The following NRIP1 variants were observed in gnomAD, a reference collection of about 807,000 sequenced individuals.
NRIP1 encodes the protein nuclear receptor interacting protein 1.
Under a neutral mutation model 75.0 loss-of-function variants are expected in NRIP1, and 28 were observed. The ratio of observed to expected loss-of-function variants is 0.37; its 90% CI spans 0.28 to 0.51. NRIP1 has a LOEUF of 0.51. Among genes scored for constraint, NRIP1 ranks in the 20% least tolerant of loss-of-function variants. The pLI is 0.92. For synonymous variants in NRIP1, 526 were observed against 487.6 expected (o/e 1.08, Z -1.04); for missense variants, 1,435 against 1,343.7 (o/e 1.07, Z -1.06).
In NRIP1 at chr21:14,966,984, G is replaced by A. The variant is rs1181854348; in HGVS notation, c.1209C>T (p.Ser403=). 2 of 1,614,102 alleles carry A rather than the reference G, an allele frequency of 1.2e-6. No individual in the cohort carries two copies. The highest frequency in any genetic ancestry group is 2.7e-5 in the African/African-American group (2 of 75,040). The change falls in exon 4 of 4, where the codon AGC becomes AGT. Residue 403 remains serine (S), a synonymous_variant. Transcript: ENST00000318948. The part of the protein sequence containing the change: ...MNGHSHSERG[S]IFEESSTPTT... ...TAGGTGTACTACTTTCCTCAAAAAT[G>A]CTTCCTCTCTCACTGTGACTGTGTC...
chr21:14,970,500 C>G (rs563767012), intron 3 of NRIP1, among the ~76,000 whole-genome samples: 1 of 152,258 alleles, frequency 6.6e-6, no homozygotes, highest in African/African-American at 2.4e-5. Flanking sequence ...GAGCCGAGAT[C>G]GTGCCACTGC....
At chr21:15,021,616 C>T (rs1000829341) in intron 2 of NRIP1, among the ~76,000 whole-genome samples, 3 of 151,908 alleles carry the variant, frequency 2.0e-5, no homozygotes, top group African/African-American at 7.3e-5. Flanking sequence ...ATATTACATA[C>T]AAAATCATAA....
intron 3 of NRIP1, among the ~76,000 whole-genome samples, chr21:14,999,031 C>T (rs1235128578): frequency 2.0e-5 from 3 of 152,112 alleles, no homozygotes; most frequent in Non-Finnish European, 4.4e-5. Flanking sequence ...GAGAGGCAGG[C>T]TCGTGCTCTG....
chr21:15,062,932 T>G (rs1978445724), intron 1 of NRIP1, among the ~76,000 whole-genome samples: 5 of 152,356 alleles, frequency 3.3e-5, no homozygotes, highest in Admixed American at 1.3e-4. Flanking sequence ...AAAGAGGCAT[T>G]AAACCTGGTT....
At chr21:15,009,405 G>A (rs1600864675) in intron 3 of NRIP1, among the ~76,000 whole-genome samples, 2 of 152,250 alleles carry the variant, frequency 1.3e-5, no homozygotes, top group Admixed American at 1.3e-4. Flanking sequence ...CAATCTCATC[G>A]GGAAAAAACA....
intron 3 of NRIP1, among the ~76,000 whole-genome samples, chr21:15,001,021 AC>A (rs1421273283): frequency 1.3e-5 from 2 of 152,150 alleles, no homozygotes; most frequent in African/African-American, 2.4e-5. Flanking sequence ...GCCAGTCTAG[AC>A]CAATGTCTAT....
Position 14,964,757 on chromosome 21 carries a change from G to T in NRIP1, c.3436C>A (p.Leu1146Ile). The T allele has an allele frequency of 6.3e-7, 1 of 1,577,770 alleles. No homozygotes were observed. Among genetic ancestry groups the T allele is most frequent in the Non-Finnish European group, 8.6e-7 (1 of 1,168,334 alleles). Residue 1146 changes from leucine (L) to isoleucine (I), a missense_variant, in exon 4 of 4, where the codon CTT becomes ATT. Physicochemically the swap from Leu to Ile is conservative, Grantham distance 5. Transcript: ENST00000318948. Reference sequence around the variant, plus strand: ...TTTATCGTTAGCACGCTTCCCAGAAGTCCATAAACTTCTCCATTTGCGCTG... The same window carrying T: ...TTTATCGTTAGCACGCTTCCCAGAATTCCATAAACTTCTCCATTTGCGCTG... ...PHSANGEVYG[L>I]LGSVLTIKKE...
intron 1 of NRIP1, among the ~76,000 whole-genome samples, chr21:15,058,225 C>T (rs958456044): frequency 6.6e-6 from 1 of 152,168 alleles, no homozygotes; most frequent in Admixed American, 6.5e-5. Context: ...AACAGGAATA[C>T]TATTTTTTAA....
chr21:15,025,597 G>C (rs924478599), intron 2 of NRIP1, among the ~76,000 whole-genome samples: 1 of 151,836 alleles, frequency 6.6e-6, no homozygotes, highest in Non-Finnish European at 1.5e-5. Flanking sequence ...GGGAAAATGA[G>C]TAATTTCACA....
chr21:15,008,517 C>G (rs1377379506), intron 3 of NRIP1, among the ~76,000 whole-genome samples: 1 of 152,078 alleles, frequency 6.6e-6, no homozygotes, highest in Non-Finnish European at 1.5e-5. Flanking sequence ...AAAATGACTT[C>G]TCCTTGAGTA....
chr21:15,028,816 C>G (rs945352395), intron 2 of NRIP1, among the ~76,000 whole-genome samples: 1 of 151,976 alleles, frequency 6.6e-6, no homozygotes, highest in Admixed American at 6.6e-5. Flanking sequence ...TGGTCAATAT[C>G]GTTCTTTTAA....
At chr21:15,062,849 T>C (rs1978430134) in intron 1 of NRIP1, among the ~76,000 whole-genome samples, 1 of 152,234 alleles carries the variant, frequency 6.6e-6, no homozygotes, top group Non-Finnish European at 1.5e-5. Context: ...ACTTCTTTAG[T>C]GCAAAGTTAA....
intron 3 of NRIP1, among the ~76,000 whole-genome samples, chr21:15,000,567 C>T (rs902534545): frequency 2.0e-5 from 3 of 152,028 alleles, no homozygotes; most frequent in Non-Finnish European, 4.4e-5. Flanking sequence ...CATGTGCATG[C>T]CATGTATTTC....
rs780776151 is a variant in NRIP1 at position 14,966,365 on chromosome 21, C to T, written c.1828G>A (p.Gly610Arg). The change falls in exon 4 of 4, where the codon GGA (glycine) becomes AGA (arginine). Residue 610 changes from glycine (G) to arginine (R), a missense_variant. Gly to Arg is a moderately radical substitution (Grantham distance 125, BLOSUM62 -2). Coordinates refer to ENST00000318948, the MANE Select transcript of NRIP1 (RefSeq NM_003489.4). ...MDLTKSKDPP[G>R]EKPAQNEGAQ... ...CCTTCATTTTGGGCTGGTTTCTCTC[C>T]TGGTGGGTCTTTGCTTTTTGTAAGG... 1.9e-6 allele frequency: 3 copies of T among 1,613,884 alleles called. No homozygotes were observed. The highest frequency in any genetic ancestry group is 1.7e-5 in the Admixed American group (1 of 59,992).
At chr21:14,987,953 T>G (rs1003877645) in intron 3 of NRIP1, 3 of 152,214 alleles carry the variant, frequency 2.0e-5, no homozygotes, top group Non-Finnish European at 4.4e-5. Flanking sequence ...TGCCACAGAC[T>G]GTAACAAATG....
At chr21:15,060,466 G>A (rs1425114214) in intron 1 of NRIP1, among the ~76,000 whole-genome samples, 1 of 152,100 alleles carries the variant, frequency 6.6e-6, no homozygotes, top group Non-Finnish European at 1.5e-5. Flanking sequence ...CTTTATCAGA[G>A]ATCCTATAAA....
intron 1 of NRIP1, among the ~76,000 whole-genome samples, chr21:15,053,645 C>G (rs1288172504): frequency 2.6e-5 from 4 of 152,140 alleles, no homozygotes; most frequent in African/African-American, 9.7e-5. Context: ...GATAAGTAAG[C>G]ACTGGAGGAA....
rs1257319654 is a variant in NRIP1 at position 14,967,554 on chromosome 21, A to C, written c.639T>G (p.Asp213Glu). The C allele has an allele frequency of 1.2e-6, 2 of 1,614,032 alleles. No homozygotes were observed. The highest frequency in any genetic ancestry group is 2.2e-5 in the East Asian group (1 of 44,892). ...LPDVTKNLIR[D>E]RFAESPHHVG... ...CATGATGAGGAGACTCTGCAAACCT[A>C]TCTCTGATGAGGTTTTTAGTCACAT... The change falls in exon 4 of 4, where the codon GAT becomes GAG. Residue 213 changes from aspartate to glutamate, a missense_variant. Asp to Glu is a conservative substitution (Grantham distance 45, BLOSUM62 2). Coordinates refer to ENST00000318948, the MANE Select transcript of NRIP1 (RefSeq NM_003489.4).
At chr21:15,062,165 T>G (rs1978352581) in intron 1 of NRIP1, among the ~76,000 whole-genome samples, 2 of 152,260 alleles carry the variant, frequency 1.3e-5, no homozygotes, top group South Asian at 4.1e-4. Flanking sequence ...ATGGACAATG[T>G]GATAAGCCAC....
Sources: gnomAD v4.1 joint callset for allele counts (sites outside exome capture counted in the v4.1 genomes callset) on GRCh38, gnomAD v4.1.1 for gene constraint, MANE v1.5 for transcripts, NCBI Gene and HGNC (gene_info 2026-07-23, HGNC 2026-07-21) for gene names.